GPC5: variants seen among roughly 807,000 people sequenced by gnomAD.
GPC5 encodes glypican-5.
A neutral mutation model predicts 53.9 loss-of-function variants in GPC5; 47 were observed. The ratio of observed to expected loss-of-function variants is 0.87; its 90% confidence interval spans 0.69 to 1.11. GPC5 has a LOEUF of 1.11. Among genes scored for constraint, GPC5 ranks in the 50% most tolerant of loss-of-function variants. GPC5 has a pLI of 0.00. For missense variants in GPC5, 748 were observed against 713.1 expected, an observed-to-expected ratio of 1.05 and a Z score of -0.56; for synonymous variants, 286 against 263.3, an observed-to-expected ratio of 1.09 and a Z score of -0.84.
At chr13:92,588,569 C>T (rs3901973) in intron 7 of GPC5, among the ~76,000 whole-genome samples, 149,351 of 152,284 alleles carry the variant, frequency 0.98, 73,317 homozygotes, top group East Asian at 1. Context: ...TGTTGTTCAG[C>T]AGGTTTTCTC....
At chr13:91,642,427 G>A (rs572365063) in intron 2 of GPC5, among the ~76,000 whole-genome samples, 1 of 152,272 alleles carries the variant, frequency 6.6e-6, no homozygotes, top group East Asian at 1.9e-4. Flanking sequence ...AGTAACACAG[G>A]AAGCGACTGA....
intron 7 of GPC5, among the ~76,000 whole-genome samples, chr13:92,536,448 T>C (rs1215817245): frequency 6.6e-6 from 1 of 152,138 alleles, no homozygotes; most frequent in Non-Finnish European, 1.5e-5. Flanking sequence ...GATCAGAATA[T>C]TCAGAGATAG....
intron 7 of GPC5, among the ~76,000 whole-genome samples, chr13:92,830,313 C>A (rs1370538721): frequency 6.6e-6 from 1 of 151,982 alleles, no homozygotes; most frequent in Admixed American, 6.6e-5. Flanking sequence ...TGATGCATAT[C>A]CTTGGATCCT....
At chr13:92,410,098 TAAC>T (rs1190992761) in intron 7 of GPC5, among the ~76,000 whole-genome samples, 1 of 152,212 alleles carries the variant, frequency 6.6e-6, no homozygotes, top group East Asian at 1.9e-4. Context: ...TTTTCTTTAA[TAAC>T]TGATGTTTTT....
chr13:92,072,202 T>C (rs2041217692), intron 6 of GPC5, among the ~76,000 whole-genome samples: 1 of 148,560 alleles, frequency 6.7e-6, no homozygotes, highest in Non-Finnish European at 1.5e-5. Context: ...ATAAATAAAA[T>C]GTATATATAA....
At chr13:92,608,121 A>G (rs1160416894) in intron 7 of GPC5, among the ~76,000 whole-genome samples, 3 of 152,200 alleles carry the variant, frequency 2.0e-5, no homozygotes. Context: ...TCGACCATTT[A>G]TGTTATTGGT....
At chr13:92,442,561 A>G (rs1188819035) in intron 7 of GPC5, among the ~76,000 whole-genome samples, 6 of 152,228 alleles carry the variant, frequency 3.9e-5, no homozygotes, top group Non-Finnish European at 5.9e-5. Context: ...TCACTCATCA[A>G]TAGTACCAGG....
intron 7 of GPC5, among the ~76,000 whole-genome samples, chr13:92,402,952 AAAG>A (rs765786574): frequency 1.3e-5 from 2 of 152,256 alleles, no homozygotes; most frequent in African/African-American, 2.4e-5. Flanking sequence ...GTTTTTCTCT[AAAG>A]AAGAATTGAC....
intron 7 of GPC5, among the ~76,000 whole-genome samples, chr13:92,822,835 T>TA (rs1455974874): frequency 2.0e-5 from 3 of 152,146 alleles, no homozygotes; most frequent in African/African-American, 4.8e-5. Context: ...GTAAAACTCT[T>TA]ACGGATCTTG....
chr13:92,577,459 C>T (rs1399749029), intron 7 of GPC5, among the ~76,000 whole-genome samples: 2 of 100,266 alleles, frequency 2.0e-5, no homozygotes, highest in Non-Finnish European at 4.7e-5. Context: ...TGTCAATGAC[C>T]TTGAAAGTCT....
At chr13:91,636,967 C>T (rs573060367) in intron 2 of GPC5, among the ~76,000 whole-genome samples, 17 of 152,126 alleles carry the variant, frequency 1.1e-4, no homozygotes, top group Admixed American at 6.5e-4. Context: ...AACAAACAAA[C>T]GAACAAAACA....
chr13:91,559,286 G>A (rs2031127333), intron 2 of GPC5, among the ~76,000 whole-genome samples: 1 of 152,106 alleles, frequency 6.6e-6, no homozygotes, highest in Non-Finnish European at 1.5e-5. Context: ...CATTATAGCA[G>A]CAATGATGGC....
At chr13:92,732,949 C>G (rs1888845518) in intron 7 of GPC5, among the ~76,000 whole-genome samples, 1 of 151,602 alleles carries the variant, frequency 6.6e-6, no homozygotes. Context: ...GTTTTTGTCA[C>G]TTGCCCCAAG....
chr13:91,429,528 A>G (rs1038348871), intron 1 of GPC5, among the ~76,000 whole-genome samples: 2 of 152,214 alleles, frequency 1.3e-5, no homozygotes, highest in Non-Finnish European at 2.9e-5. Context: ...GAATGACCTG[A>G]ATATGGAAAG....
rs572988938 is a variant in GPC5, at chr13:91,829,359, A to G, written c.1280+72939A>G. 3.1e-3 allele frequency among the ~76,000 whole-genome samples: 465 copies of G among 152,248 alleles called. 1 individual carries two copies. Among genetic ancestry groups the G allele is most frequent in the Non-Finnish European group, 5.2e-3 (355 of 67,996 alleles). On this transcript the variant is annotated intron_variant, in intron 5 of 7. Coordinates refer to ENST00000377067, the MANE Select transcript of GPC5 (RefSeq NM_004466.6). Reference sequence around the variant, plus strand: ...ATATGACAGTATGGCAACTAAATGCAGGAACATGGACCGGATTCAAGACTG... The same window carrying G: ...ATATGACAGTATGGCAACTAAATGCGGGAACATGGACCGGATTCAAGACTG...
intron 7 of GPC5, among the ~76,000 whole-genome samples, chr13:92,232,669 T>C (rs1363547342): frequency 6.6e-6 from 1 of 152,244 alleles, no homozygotes; most frequent in African/African-American, 2.4e-5. Context: ...TCCCATGGAT[T>C]TGTAGCCTGA....
chr13:91,586,133 A>T (rs1339191356), intron 2 of GPC5, among the ~76,000 whole-genome samples: 2 of 151,412 alleles, frequency 1.3e-5, no homozygotes, highest in Non-Finnish European at 2.9e-5. Flanking sequence ...AATTAATTGC[A>T]CGATTCTGCT....
chr13:92,136,061 C>T (rs548427746), intron 6 of GPC5, among the ~76,000 whole-genome samples: 7 of 151,908 alleles, frequency 4.6e-5, no homozygotes, highest in South Asian at 2.1e-4. Context: ...GGTGGAGTGG[C>T]GTGTAGATGG....
intron 7 of GPC5, among the ~76,000 whole-genome samples, chr13:92,290,126 C>G (rs1337207568): frequency 1.3e-5 from 2 of 152,194 alleles, no homozygotes; most frequent in Middle Eastern, 3.4e-3. Context: ...AACTGTTATA[C>G]AATTTTAAGG....
Sources: allele counts gnomAD v4.1 joint callset (sites outside exome capture counted in the v4.1 genomes callset), GRCh38; gene constraint gnomAD v4.1.1; transcripts MANE v1.5; gene names NCBI Gene and HGNC (gene_info 2026-07-23, HGNC 2026-07-21).